Variants in ANO2 observed in about 807,000 individuals in gnomAD.
The protein encoded by ANO2 is anoctamin 2, also known as anoctamin-2.
A neutral mutation model predicts 124.2 loss-of-function variants in ANO2; 101 were observed. The observed-to-expected ratio is 0.81, with a 90% CI of 0.69 to 0.96. ANO2 has a LOEUF of 0.96. Ranked by LOEUF, ANO2 falls within the 40% of genes least tolerant of loss-of-function variation. The pLI, the probability that ANO2 is intolerant of heterozygous loss-of-function variation, is 0.00. For synonymous variants in ANO2, 486 were observed against 482.5 expected (o/e 1.01, Z -0.09); for missense variants, 1,293 against 1,274.5 (o/e 1.01, Z -0.22).
chr12:5,880,992 T>C (rs976386356), intron 3 of ANO2, among the ~76,000 whole-genome samples: 2 of 152,038 alleles, frequency 1.3e-5, no homozygotes, highest in Non-Finnish European at 2.9e-5. Context: ...CCAAAATGAA[T>C]CTACTATCCT....
At chr12:5,679,795 T>C (rs563630955) in intron 14 of ANO2, among the ~76,000 whole-genome samples, 8 of 152,210 alleles carry the variant, frequency 5.3e-5, no homozygotes, top group Admixed American at 5.2e-4. Context: ...GGATGTATAA[T>C]GCAAGGAATA....
intron 3 of ANO2, among the ~76,000 whole-genome samples, chr12:5,890,555 G>C (rs1199132401): frequency 3.3e-5 from 5 of 152,196 alleles, no homozygotes; most frequent in African/African-American, 1.2e-4. Context: ...CCCTGTGTTA[G>C]GAACTTAGAG....
At chr12:5,854,353 T>C (rs1210652840) in intron 3 of ANO2, among the ~76,000 whole-genome samples, 1 of 127,786 alleles carries the variant, frequency 7.8e-6, no homozygotes, top group Non-Finnish European at 1.5e-5. Flanking sequence ...AACAGTAGGA[T>C]AGTGTTCCCA....
intron 15 of ANO2, among the ~76,000 whole-genome samples, chr12:5,639,704 G>A (rs1484433645): frequency 6.6e-6 from 1 of 152,200 alleles, no homozygotes; most frequent in African/African-American, 2.4e-5. Context: ...CAGGCAGCCA[G>A]GAGGGGGCCC....
intron 6 of ANO2, among the ~76,000 whole-genome samples, chr12:5,829,920 G>A (rs1039778128): frequency 1.3e-5 from 2 of 152,142 alleles, no homozygotes; most frequent in Admixed American, 6.5e-5. Context: ...TTATTCTTGC[G>A]CAAATTGGCT....
At chr12:5,687,246 T>G (rs1948745748) in intron 14 of ANO2, among the ~76,000 whole-genome samples, 1 of 152,232 alleles carries the variant, frequency 6.6e-6, no homozygotes, top group Non-Finnish European at 1.5e-5. Flanking sequence ...TTGAGTTATT[T>G]TCCACCAGCC....
At chr12:5,912,928 C>T (rs1941141530) in intron 3 of ANO2, among the ~76,000 whole-genome samples, 1 of 152,206 alleles carries the variant, frequency 6.6e-6, no homozygotes, top group Non-Finnish European at 1.5e-5. Flanking sequence ...CATTAAAACC[C>T]ATATTTGCAT....
intron 15 of ANO2, among the ~76,000 whole-genome samples, chr12:5,644,179 C>A (rs963130255): frequency 3.3e-5 from 5 of 152,132 alleles, no homozygotes; most frequent in African/African-American, 1.2e-4. Context: ...TTAAAATACA[C>A]CTAAAATTGA....
In ANO2 at chr12:5,769,313, G is replaced by T. The variant is rs1952001851; in HGVS notation, c.1056-18343C>A. Among the ~76,000 whole-genome samples the T allele has an allele frequency of 3.3e-5, 5 of 152,080 alleles. No homozygotes were observed. Among genetic ancestry groups the T allele is most frequent in the Admixed American group, 3.3e-4 (5 of 15,272 alleles). On this transcript the variant is annotated intron_variant, in intron 10 of 24. Transcript: ENST00000682330. This position sits in a 1 kb window ranked among gnomAD's most constrained non-coding sequence, Gnocchi z 4.0. ...CCAGGAACCAGGACTGGCTGGCCTG[G>T]CGTGGCCTGTCACTGGCTCTGCAAG...
chr12:5,791,762 G>C (rs1364977709), intron 10 of ANO2, among the ~76,000 whole-genome samples: 1 of 152,158 alleles, frequency 6.6e-6, no homozygotes, highest in Admixed American at 6.5e-5. Context: ...AGGCACAGAG[G>C]TCACAGACAG....
chr12:5,575,761 T>C (rs1276751960), intron 23 of ANO2, 73 bp downstream of exon 23: 25 of 1,506,378 alleles, frequency 1.7e-5, no homozygotes, highest in Non-Finnish European at 2.2e-5. Context: ...GTTGTAATTC[T>C]AGGTCGTCCC....
At chr12:5,605,428 T>C (rs187637985) in intron 19 of ANO2, among the ~76,000 whole-genome samples, 17 of 152,348 alleles carry the variant, frequency 1.1e-4, no homozygotes, top group East Asian at 1.9e-4. Flanking sequence ...TATTTTTGGA[T>C]ATGATCTGGA....
rs188420113 is a variant in ANO2 at position 5,573,956 on chromosome 12, G to T, written c.2621+1878C>A. On this transcript the variant is annotated intron_variant, in intron 23 of 24. Coordinates refer to ENST00000682330, the MANE Select transcript of ANO2 (RefSeq NM_001364791.2). ...GTTCATGGTCTCAGACCACAAATCTGAACCTATGTGGCTGTCTTACGAAAG... is the reference window on the plus strand; with the variant it reads ...GTTCATGGTCTCAGACCACAAATCTTAACCTATGTGGCTGTCTTACGAAAG... Among the ~76,000 whole-genome samples, 44 of 152,304 alleles carry T rather than the reference G, an allele frequency of 2.9e-4. No individual in the cohort carries two copies. In the East Asian group the frequency reaches 7.1e-3, roughly 25 times the overall value.
intron 14 of ANO2, among the ~76,000 whole-genome samples, chr12:5,725,109 ACAC>A (rs1950386435): frequency 6.8e-6 from 1 of 148,004 alleles, no homozygotes; most frequent in Non-Finnish European, 1.5e-5. Flanking sequence ...ACACACACAC[ACAC>A]ACACACACAC....
rs144531968 is a variant in ANO2, at chr12:5,854,839, T to C, written c.535-698A>G. Among the ~76,000 whole-genome samples the C allele has an allele frequency of 3.5e-3, 531 of 152,282 alleles. 6 individuals are homozygous for C. The highest frequency in any genetic ancestry group is 0.012 in the African/African-American group (510 of 41,564). ...ATAAGTATTTGAAAGTCAGGTTTCA[T>C]TGACCCAGCAATTCATCTGGCCCTT... On this transcript the variant is annotated intron_variant, in intron 3 of 24. Coordinates refer to ENST00000682330, the MANE Select transcript of ANO2 (RefSeq NM_001364791.2).
chr12:5,677,115 G>A (rs1269795504), intron 14 of ANO2, among the ~76,000 whole-genome samples: 1 of 151,446 alleles, frequency 6.6e-6, no homozygotes. Flanking sequence ...GAAGAGACGG[G>A]GGTCTCAGGA....
chr12:5,922,904 G>C (rs190984385), intron 1 of ANO2, 100 bp from the exon 2 acceptor site: 1 of 1,253,122 alleles, frequency 8.0e-7, no homozygotes, highest in Non-Finnish European at 1.0e-6. Context: ...CTGAGAAAAT[G>C]GCCCATTTTG....
At chr12:5,812,090 TGGGAG>T (rs201922016) in intron 7 of ANO2, among the ~76,000 whole-genome samples, 498 of 16,044 alleles carry the variant, frequency 0.031, 2 homozygotes, top group African/African-American at 0.1. Flanking sequence ...GAGGAAGGGA[TGGGAG>T]GGGAGGGGAG....
At chr12:5,571,470 G>C (rs1210914575) in intron 23 of ANO2, among the ~76,000 whole-genome samples, 7 of 152,214 alleles carry the variant, frequency 4.6e-5, no homozygotes, top group Non-Finnish European at 7.3e-5. Flanking sequence ...CTGGGTTGGA[G>C]TCGGAGACCT....
Sources: gnomAD v4.1 joint callset for allele counts (sites outside exome capture counted in the v4.1 genomes callset) on GRCh38, gnomAD v4.1.1 for gene constraint, Gnocchi (gnomAD v3.1) non-coding constraint, MANE v1.5 for transcripts, NCBI Gene and HGNC (gene_info 2026-07-23, HGNC 2026-07-21) for gene names.